Variants in UBE4B observed in about 807,000 individuals in gnomAD.
UBE4B encodes the protein ubiquitination factor E4B, also known as ubiquitin conjugation factor E4 B.
A neutral mutation model predicts 148.1 loss-of-function variants in UBE4B; 27 were observed. That is an observed-to-expected ratio of 0.18 (90% CI 0.13 to 0.25). UBE4B has a LOEUF of 0.25. Ranked by LOEUF, UBE4B falls within the 10% of genes least tolerant of loss-of-function variation. UBE4B has a pLI of 1.00. For synonymous variants in UBE4B, 596 were observed against 619.3 expected (o/e 0.96, Z 0.56); for missense variants, 1,170 against 1,662.4 (o/e 0.70, Z 5.15).
chr1:10,135,258 A>G, intron 16 of UBE4B, 72 bp downstream of exon 16: 1 of 1,404,184 alleles, frequency 7.1e-7, no homozygotes, highest in Non-Finnish European at 9.9e-7. Flanking sequence ...TTCCTCACAG[A>G]TTGTTACCAC....
At chr1:10,075,551 G>A (rs1644562790) in intron 2 of UBE4B, among the ~76,000 whole-genome samples, 1 of 152,192 alleles carries the variant, frequency 6.6e-6, no homozygotes, top group South Asian at 2.1e-4. Flanking sequence ...AGAAAGGCTT[G>A]GGCATTCCCT....
At chr1:10,133,415 G>A (rs972998054) in intron 15 of UBE4B, among the ~76,000 whole-genome samples, 4 of 152,086 alleles carry the variant, frequency 2.6e-5, no homozygotes, top group Non-Finnish European at 4.4e-5. Flanking sequence ...CTGTTAGAGT[G>A]GTGCCTGGTA....
At chr1:10,081,591 AT>A (rs1299547566) in intron 2 of UBE4B, among the ~76,000 whole-genome samples, 3 of 148,262 alleles carry the variant, frequency 2.0e-5, no homozygotes, top group Admixed American at 6.8e-5. Flanking sequence ...TGCCTGGCTA[AT>A]TTTTTTTTTG....
rs754825047 is a variant in UBE4B, at chr1:10,168,663, C to T, written c.3333+393C>T. ...ATCCCAGCACTTTGGGAGCCCAAGG[C>T]GGGCAGATCACGAGGTCAGGAGATG... On this transcript the variant is annotated intron_variant, in intron 24 of 27. Transcript: ENST00000343090. The surrounding 1 kb of genome is among the most constrained non-coding windows in gnomAD (Gnocchi z 4.9). Among the ~76,000 whole-genome samples, 14 of 152,026 alleles carry T rather than the reference C, an allele frequency of 9.2e-5. No individual in the cohort carries two copies. The highest frequency in any genetic ancestry group is 1.6e-4 in the Non-Finnish European group (11 of 68,010).
intron 25 of UBE4B, 26 bp downstream of exon 25, chr1:10,171,355 G>A: frequency 8.1e-6 from 13 of 1,604,416 alleles, no homozygotes; most frequent in Non-Finnish European, 1.1e-5. Flanking sequence ...TGGTCTCTCT[G>A]TGAGTTTACT....
At position 10,103,199 on chromosome 1, in the gene UBE4B, G is replaced by A. The variant is rs1042210560; in HGVS notation, c.580+107G>A. 2.4e-6 allele frequency: 3 copies of A among 1,238,406 alleles called. No homozygotes were observed. The African/African-American group carries it at 4.5e-5, about 18-fold the overall frequency. 76.7% of individuals were successfully genotyped at this position (1,238,406 alleles called of 1,614,324 possible). ...ATTCACTCCATCTTGCTCTTGGGTT[G>A]TATTTTTGATGACAGGGATACTTCT... On this transcript the variant is annotated intron_variant, in intron 5 of 27. Coordinates refer to ENST00000343090, the MANE Select transcript of UBE4B (RefSeq NM_001105562.3).
At chr1:10,070,898 T>G (rs987294957) in intron 1 of UBE4B, among the ~76,000 whole-genome samples, 5 of 152,216 alleles carry the variant, frequency 3.3e-5, no homozygotes, top group Admixed American at 3.3e-4. Flanking sequence ...TTTAGTGAAT[T>G]AAATTGGCTA....
intron 2 of UBE4B, among the ~76,000 whole-genome samples, chr1:10,094,435 C>CTTT (rs770919627): frequency 7.2e-6 from 1 of 138,806 alleles, no homozygotes; most frequent in Non-Finnish European, 1.6e-5. Flanking sequence ...CTATCATTAA[C>CTTT]TTTTTTTTTT....
chr1:10,107,396 AC>A, intron 7 of UBE4B: 2 of 1,280,030 alleles, frequency 1.6e-6, no homozygotes, highest in Non-Finnish European at 2.0e-6. Flanking sequence ...ATGGAGTCTT[AC>A]CCCTGCATGT....
intron 2 of UBE4B, among the ~76,000 whole-genome samples, chr1:10,092,444 C>T (rs572462127): frequency 1.7e-4 from 26 of 151,932 alleles, no homozygotes; most frequent in African/African-American, 5.3e-4. Context: ...AGGCTGGTCT[C>T]GAACTCCTGA....
At chr1:10,046,221 G>A (rs747959358) in intron 1 of UBE4B, among the ~76,000 whole-genome samples, 7 of 152,136 alleles carry the variant, frequency 4.6e-5, no homozygotes, top group Non-Finnish European at 7.4e-5. Flanking sequence ...TGCTGGGAAG[G>A]CTGAGAAATA....
chr1:10,092,620 G>C (rs1644866933), intron 2 of UBE4B, among the ~76,000 whole-genome samples: 1 of 152,102 alleles, frequency 6.6e-6, no homozygotes, highest in South Asian at 2.1e-4. Context: ...CTGAGGTCAG[G>C]AGTTCAAGAC....
chr1:10,171,410 G>A (rs886705519), intron 25 of UBE4B, 81 bp downstream of exon 25: 41 of 1,500,022 alleles, frequency 2.7e-5, no homozygotes, highest in African/African-American at 2.8e-5. Flanking sequence ...GAACTCGTCT[G>A]GTGTAAATGA....
chr1:10,041,959 T>C (rs916816555), intron 1 of UBE4B, among the ~76,000 whole-genome samples: 1 of 151,910 alleles, frequency 6.6e-6, no homozygotes, highest in African/African-American at 2.4e-5. Context: ...CCTCCCAAAG[T>C]TGTGGGATTA....
At chr1:10,113,934 G>A (rs1336579376) in intron 7 of UBE4B, among the ~76,000 whole-genome samples, 1 of 151,910 alleles carries the variant, frequency 6.6e-6, no homozygotes, top group Admixed American at 6.6e-5. Context: ...GCATGGTGGC[G>A]TGTGCCTGTA....
chr1:10,102,126 A>G (rs1645023070), intron 4 of UBE4B, among the ~76,000 whole-genome samples: 1 of 152,136 alleles, frequency 6.6e-6, no homozygotes, highest in African/African-American at 2.4e-5. Flanking sequence ...AGGAAAAAAT[A>G]AGAAGTTGCA....
intron 2 of UBE4B, among the ~76,000 whole-genome samples, chr1:10,092,726 G>A (rs975565951): frequency 6.6e-6 from 1 of 152,060 alleles, no homozygotes; most frequent in African/African-American, 2.4e-5. Context: ...TACTCGGGAG[G>A]CTGAGGCAAG....
In UBE4B at chr1:10,065,561, C is replaced by A. The variant is rs78526627; in HGVS notation, c.25-6467C>A. On this transcript the variant is annotated intron_variant, in intron 1 of 27. Transcript: ENST00000343090. ...ATGTGAACACAATTGAATGTGTCAC[C>A]GCTGGGCCAGTGTGGAGTTTGCTCT... Among the ~76,000 whole-genome samples the A allele has an allele frequency of 4.9e-3, 752 of 152,286 alleles. 5 individuals are homozygous for A. Among genetic ancestry groups the A allele is most frequent in the African/African-American group, 0.017 (717 of 41,562 alleles).
chr1:10,129,192 T>C, intron 11 of UBE4B, 200 bp from the exon 12 acceptor site: 1 of 492,246 alleles, frequency 2.0e-6, no homozygotes, highest in Non-Finnish European at 3.7e-6. Flanking sequence ...ATTTCTGTTT[T>C]ATTTCAAGTT....
Sources: gnomAD v4.1 joint callset for allele counts (sites outside exome capture counted in the v4.1 genomes callset) on GRCh38, gnomAD v4.1.1 for gene constraint, Gnocchi (gnomAD v3.1) non-coding constraint, MANE v1.5 for transcripts, NCBI Gene and HGNC (gene_info 2026-07-23, HGNC 2026-07-21) for gene names.